DENND4C: variants seen among roughly 807,000 people sequenced by gnomAD.
The protein encoded by DENND4C is DENN domain containing 4C, also known as DENN domain-containing protein 4C.
In DENND4C, 108 loss-of-function variants were observed where a neutral mutation model predicts 203.0. The observed-to-expected ratio is 0.53, with a 90% CI of 0.46 to 0.62. The LOEUF (loss-of-function observed/expected upper bound fraction) is 0.62, where lower values mean the gene tolerates loss of function less well. DENND4C is among the 20% of genes least tolerant of loss of function. The pLI is 0.00. For synonymous variants in DENND4C, 871 were observed against 792.4 expected, an observed-to-expected ratio of 1.10 and a Z score of -1.67; for missense variants, 2,481 against 2,301.2, an observed-to-expected ratio of 1.08 and a Z score of -1.60.
intron 15 of DENND4C, among the ~76,000 whole-genome samples, 167 bp from the exon 16 acceptor site, chr9:19,327,863 C>G (rs1473452973): frequency 6.6e-6 from 1 of 151,954 alleles, no homozygotes; most frequent in Non-Finnish European, 1.5e-5. Flanking sequence ...AAGGTAGTCT[C>G]TGTATGTTAT....
intron 15 of DENND4C, 43 bp downstream of exon 15, chr9:19,326,237 G>C (rs1817807715): frequency 6.4e-7 from 1 of 1,560,760 alleles, no homozygotes; most frequent in Non-Finnish European, 8.6e-7. Flanking sequence ...CAGCCTATCA[G>C]TTTCTTTTAA....
At chr9:19,367,840 G>A (rs1663257470) in intron 30 of DENND4C, among the ~76,000 whole-genome samples, 2 of 152,214 alleles carry the variant, frequency 1.3e-5, no homozygotes, top group Admixed American at 1.3e-4. Flanking sequence ...ACTGATATAT[G>A]TACAACACAG....
chr9:19,233,561 C>CTTTTTT (rs11438629), intron 1 of DENND4C, among the ~76,000 whole-genome samples: 6 of 131,306 alleles, frequency 4.6e-5, no homozygotes, highest in East Asian at 2.2e-4. Flanking sequence ...TATTTGAAAC[C>CTTTTTT]TTTTTTTTTT....
chr9:19,247,797 C>T (rs1168117393), intron 1 of DENND4C, among the ~76,000 whole-genome samples: 1 of 152,214 alleles, frequency 6.6e-6, no homozygotes, highest in African/African-American at 2.4e-5. Flanking sequence ...ACCCTTTTCT[C>T]AGACTTTACT....
At chr9:19,342,037 T>A (rs564153499) in intron 21 of DENND4C, among the ~76,000 whole-genome samples, 1 of 148,356 alleles carries the variant, frequency 6.7e-6, no homozygotes. Context: ...GGCAGGAGAG[T>A]CATTTGAACC....
chr9:19,370,086 C>T, intron 31 of DENND4C, 99 bp downstream of exon 31: 1 of 1,380,116 alleles, frequency 7.2e-7, no homozygotes, highest in Non-Finnish European at 1.0e-6. Context: ...CGAAGAAACA[C>T]ATACTCATTG....
At chr9:19,366,470 G>A (rs1827704918) in intron 30 of DENND4C, among the ~76,000 whole-genome samples, 1 of 152,178 alleles carries the variant, frequency 6.6e-6, no homozygotes, top group Non-Finnish European at 1.5e-5. Flanking sequence ...CAGGCGTGGT[G>A]GCGGGTACCT....
intron 10 of DENND4C, 36 bp downstream of exon 10, chr9:19,305,563 A>T: frequency 6.4e-7 from 1 of 1,568,692 alleles, no homozygotes; most frequent in African/African-American, 1.3e-5. Context: ...TCCCATTTAT[A>T]TTTTTCACTA....
At chr9:19,241,042 A>G (rs1203382229) in intron 1 of DENND4C, among the ~76,000 whole-genome samples, 1 of 152,198 alleles carries the variant, frequency 6.6e-6, no homozygotes, top group African/African-American at 2.4e-5. Context: ...TGGTACACCT[A>G]TAATAGGGCA....
At chr9:19,361,356 C>G (rs1483241232) in intron 29 of DENND4C, among the ~76,000 whole-genome samples, 1 of 152,100 alleles carries the variant, frequency 6.6e-6, no homozygotes, top group Non-Finnish European at 1.5e-5. Context: ...ACTTAAAAGC[C>G]CCAACTCTAC....
At position 19,343,051 on chromosome 9, in the gene DENND4C, T is replaced by C. The variant is rs142880715; in HGVS notation, c.3151+272T>C. ...ACCGTTTGGCCACTCTTTCTCATTA[T>C]AGATAATAAGAAAGTGTACTTTTAG... On this transcript the variant is annotated intron_variant, in intron 22 of 32. Coordinates refer to ENST00000434457, the MANE Select transcript of DENND4C (RefSeq NM_001330640.2). Among the ~76,000 whole-genome samples the C allele has an allele frequency of 9.8e-4, 150 of 152,330 alleles. 2 individuals carry two copies. The East Asian group carries it at 0.021, about 22-fold the overall frequency.
chr9:19,333,727 C>G (rs772439287), intron 17 of DENND4C, among the ~76,000 whole-genome samples: 18 of 152,198 alleles, frequency 1.2e-4, no homozygotes, highest in Non-Finnish European at 2.2e-4. Context: ...GAAGTAGATA[C>G]TGATATTATC....
intron 15 of DENND4C, 53 bp from the exon 16 acceptor site, chr9:19,327,977 A>G (rs529377935): frequency 6.7e-7 from 1 of 1,501,474 alleles, no homozygotes; most frequent in Non-Finnish European, 9.0e-7. Flanking sequence ...CTGGAATAAT[A>G]TGAAGAGTTG....
At chr9:19,257,496 C>G (rs1049916827) in intron 1 of DENND4C, among the ~76,000 whole-genome samples, 6 of 151,794 alleles carry the variant, frequency 4.0e-5, no homozygotes, top group Admixed American at 2.6e-4. Flanking sequence ...CCTTAAAAAA[C>G]TTGAAAAAGA....
At chr9:19,296,862 C>A (rs1837577124) in intron 6 of DENND4C, among the ~76,000 whole-genome samples, 1 of 152,156 alleles carries the variant, frequency 6.6e-6, no homozygotes, top group Non-Finnish European at 1.5e-5. Context: ...AGTGGCCATT[C>A]CAAATTCTAA....
intron 1 of DENND4C, among the ~76,000 whole-genome samples, chr9:19,233,720 A>G (rs1339059024): frequency 2.0e-5 from 3 of 151,546 alleles, no homozygotes; most frequent in Non-Finnish European, 4.4e-5. Flanking sequence ...AGCTTCCCAA[A>G]TAGCTGGGAT....
chr9:19,300,760 G>A (rs1838391870), intron 9 of DENND4C, among the ~76,000 whole-genome samples: 2 of 152,200 alleles, frequency 1.3e-5, no homozygotes, highest in Non-Finnish European at 2.9e-5. Flanking sequence ...CTAAGTGATT[G>A]TGAAATAGGA....
chr9:19,257,663 A>G (rs1418878716), intron 1 of DENND4C, among the ~76,000 whole-genome samples: 1 of 152,236 alleles, frequency 6.6e-6, no homozygotes, highest in African/African-American at 2.4e-5. Flanking sequence ...TCAGACATAA[A>G]AGAGAAGATA....
rs902358434 is a variant in DENND4C, at chr9:19,288,481, A to G, written c.559-115A>G. ...TTTTATACTGCATAGTTCATTATAT[A>G]AACGTTTTAAATAGACTCTTCTGAG... On this transcript the variant is annotated intron_variant, in intron 3 of 32. Transcript: ENST00000434457. 3 of 533,482 alleles carry G rather than the reference A, an allele frequency of 5.6e-6. No homozygotes were observed. The Admixed American group carries it at 1.3e-4, about 23-fold the overall frequency. 33.0% of individuals were successfully genotyped at this position (533,482 alleles called of 1,614,324 possible).
Sources: gnomAD v4.1 joint callset for allele counts (sites outside exome capture counted in the v4.1 genomes callset) on GRCh38, gnomAD v4.1.1 for gene constraint, MANE v1.5 for transcripts, NCBI Gene and HGNC (gene_info 2026-07-23, HGNC 2026-07-21) for gene names.